Variants in PCDH9 observed in about 807,000 individuals in gnomAD.
The protein encoded by PCDH9 is protocadherin 9, also known as protocadherin-9.
A neutral mutation model predicts 70.6 loss-of-function variants in PCDH9; 24 were observed. The ratio of observed to expected loss-of-function variants is 0.34; its 90% CI spans 0.25 to 0.48. PCDH9 has a LOEUF of 0.48. PCDH9 is among the 20% of genes least tolerant of loss of function. PCDH9 has a pLI of 0.99. For synonymous variants in PCDH9, 562 were observed against 558.5 expected (o/e 1.01, Z -0.09); for missense variants, 1,281 against 1,503.6 (o/e 0.85, Z 2.45).
intron 4 of PCDH9, among the ~76,000 whole-genome samples, chr13:66,340,254 T>C (rs1027165271): frequency 6.6e-6 from 1 of 152,202 alleles, no homozygotes; most frequent in African/African-American, 2.4e-5. Context: ...GAGGAGCTTA[T>C]CGTTTTTTGT....
At chr13:66,844,954 G>A (rs941876773) in intron 3 of PCDH9, among the ~76,000 whole-genome samples, 1 of 152,138 alleles carries the variant, frequency 6.6e-6, no homozygotes, top group African/African-American at 2.4e-5. Flanking sequence ...ATGGCCACTG[G>A]TGCCTTTGCC....
At chr13:67,119,093 G>A (rs888452032) in intron 2 of PCDH9, among the ~76,000 whole-genome samples, 2 of 152,044 alleles carry the variant, frequency 1.3e-5, no homozygotes, top group Non-Finnish European at 2.9e-5. Context: ...TTTCAGCCAG[G>A]CCGTAATGGA....
intron 2 of PCDH9, among the ~76,000 whole-genome samples, chr13:67,066,818 A>G (rs1253001327): frequency 1.3e-5 from 2 of 152,204 alleles, no homozygotes; most frequent in East Asian, 3.9e-4. Context: ...TTTTTCCTGT[A>G]TAACCAATTC....
chr13:66,957,327 T>G (rs2083279811), intron 2 of PCDH9, among the ~76,000 whole-genome samples: 1 of 152,146 alleles, frequency 6.6e-6, no homozygotes, highest in Admixed American at 6.5e-5. Context: ...GCTTACAAAA[T>G]AGCCTTCTAA....
At chr13:66,928,867 A>T (rs1449592331) in intron 2 of PCDH9, among the ~76,000 whole-genome samples, 1 of 150,878 alleles carries the variant, frequency 6.6e-6, no homozygotes, top group Non-Finnish European at 1.5e-5. Context: ...GGAAAAAAAA[A>T]TGACTTTGTG....
At chr13:66,651,764 C>T (rs1240801914) in intron 3 of PCDH9, among the ~76,000 whole-genome samples, 2 of 151,910 alleles carry the variant, frequency 1.3e-5, no homozygotes, top group African/African-American at 4.8e-5. Context: ...ATATCCTCAA[C>T]AAAATGCTAG....
At chr13:66,698,858 A>G (rs1299407126) in intron 3 of PCDH9, among the ~76,000 whole-genome samples, 2 of 146,006 alleles carry the variant, frequency 1.4e-5, no homozygotes, top group East Asian at 4.2e-4. Flanking sequence ...AAGTTTTGAG[A>G]TTACAGAGGT....
chr13:66,429,428 C>CTT lies in PCDH9; in HGVS notation c.3341-124401_3341-124400insAA, dbSNP rs767219974. Among the ~76,000 whole-genome samples, 5 of 12,694 alleles carry CTT rather than the reference C, an allele frequency of 3.9e-4. No individual in the cohort carries two copies. In the Admixed American group the frequency reaches 4.1e-3, roughly 10 times the overall value. 8.3% of individuals were successfully genotyped at this position (12,694 alleles called of 152,430 possible). Reference sequence around the variant, plus strand: ...TTCTTTTATAGATTTGTTATTTTTTCTGTTTTTTTTTTTTAATATTTTGCA... The same window carrying CTT: ...TTCTTTTATAGATTTGTTATTTTTTCTTTGTTTTTTTTTTTTAATATTTTGCA... On this transcript the variant is annotated intron_variant, in intron 4 of 4. Transcript: ENST00000377865.
intron 3 of PCDH9, among the ~76,000 whole-genome samples, chr13:66,748,604 A>G (rs1183010422): frequency 2.0e-5 from 3 of 152,166 alleles, no homozygotes; most frequent in Non-Finnish European, 4.4e-5. Flanking sequence ...TCAGCAAAGC[A>G]GACTCCATGT....
chr13:66,915,979 T>G (rs1345095504), intron 2 of PCDH9, among the ~76,000 whole-genome samples: 1 of 151,606 alleles, frequency 6.6e-6, no homozygotes, highest in Non-Finnish European at 1.5e-5. Flanking sequence ...CTTCAATATC[T>G]GGTAGACTCA....
chr13:66,626,722 T>C (rs2077503813), intron 4 of PCDH9, among the ~76,000 whole-genome samples: 1 of 133,376 alleles, frequency 7.5e-6, no homozygotes, highest in Non-Finnish European at 1.6e-5. Context: ...CCTTATGTAG[T>C]AGAGACTGCT....
chr13:66,399,497 T>A (rs1349631581), intron 4 of PCDH9, among the ~76,000 whole-genome samples: 1 of 152,192 alleles, frequency 6.6e-6, no homozygotes, highest in African/African-American at 2.4e-5. Context: ...GTACTGTTAC[T>A]GATACTTGTT....
intron 2 of PCDH9, chr13:66,991,034 T>C (rs925966735): frequency 6.6e-6 from 1 of 151,942 alleles, no homozygotes; most frequent in Non-Finnish European, 1.5e-5. Flanking sequence ...TATTAGCGGG[T>C]TTTTAGAAAA....
chr13:66,507,571 C>T (rs1449334498), intron 4 of PCDH9, among the ~76,000 whole-genome samples: 1 of 152,056 alleles, frequency 6.6e-6, no homozygotes, highest in Non-Finnish European at 1.5e-5. Context: ...AGTTGTAAAG[C>T]ATTGAAGTAT....
intron 3 of PCDH9, among the ~76,000 whole-genome samples, chr13:66,803,304 G>A (rs1045419463): frequency 1.3e-5 from 2 of 152,288 alleles, no homozygotes; most frequent in South Asian, 4.1e-4. Context: ...TGCAGAGATG[G>A]TGTGTGCATT....
chr13:66,810,661 C>T (rs1188004610), intron 3 of PCDH9, among the ~76,000 whole-genome samples: 2 of 151,822 alleles, frequency 1.3e-5, no homozygotes, highest in Non-Finnish European at 2.9e-5. Flanking sequence ...TTTTATCACT[C>T]TTCTTAAGAG....
At chr13:67,094,705 A>G (rs984821334) in intron 2 of PCDH9, among the ~76,000 whole-genome samples, 5 of 152,004 alleles carry the variant, frequency 3.3e-5, no homozygotes, top group Admixed American at 1.3e-4. Context: ...ATTTAATAAA[A>G]TAGACTTTTT....
intron 4 of PCDH9, among the ~76,000 whole-genome samples, chr13:66,575,490 C>T (rs538459817): frequency 6.6e-6 from 1 of 152,186 alleles, no homozygotes; most frequent in South Asian, 2.1e-4. Context: ...TGCTGAAAAG[C>T]CTTAGAAGGT....
rs1036627231 is a variant in PCDH9 at position 66,907,128 on chromosome 13, C to A, written c.3037-3523G>T. 3.9e-5 allele frequency among the ~76,000 whole-genome samples: 6 copies of A among 152,074 alleles called. No homozygotes were observed. In the East Asian group the frequency reaches 1.2e-3, roughly 30 times the overall value. ...CTGAGGCACGAGAATAGCTTGAGCT[C>A]GAGAGCTGGAGGTTGCAGTGAGCTG... On this transcript the variant is annotated intron_variant, in intron 2 of 4. Coordinates refer to ENST00000377865, the MANE Select transcript of PCDH9 (RefSeq NM_203487.3).
Sources: allele counts gnomAD v4.1 joint callset (sites outside exome capture counted in the v4.1 genomes callset), GRCh38; gene constraint gnomAD v4.1.1; transcripts MANE v1.5; gene names NCBI Gene and HGNC (gene_info 2026-07-23, HGNC 2026-07-21).